CARM1: variants seen among roughly 807,000 people sequenced by gnomAD.
The protein encoded by CARM1 is coactivator associated arginine methyltransferase 1.
CARM1 carries 14 observed loss-of-function variants against 72.7 expected under a neutral mutation model. That is an observed-to-expected ratio of 0.19 (90% CI 0.13 to 0.30). CARM1 has a LOEUF of 0.30. Ranked by LOEUF, CARM1 falls within the 10% of genes least tolerant of loss-of-function variation. The pLI is 1.00. For missense variants in CARM1, 432 were observed against 833.7 expected, an observed-to-expected ratio of 0.52 and a Z score of 5.93; for synonymous variants, 333 against 345.5, an observed-to-expected ratio of 0.96 and a Z score of 0.40.
intron 4 of CARM1, among the ~76,000 whole-genome samples, chr19:10,910,612 C>G (rs1272172607): frequency 1.3e-5 from 2 of 149,728 alleles, no homozygotes; most frequent in Non-Finnish European, 3.0e-5. Flanking sequence ...TGTTACCAGG[C>G]TGGAGTGCAG....
Position 10,916,777 on chromosome 19 carries a change from G to C in CARM1, c.1020G>C (p.Val340=). Residue 340 remains valine, a splice_region_variant and synonymous_variant, in exon 8 of 16, where the codon GTG becomes GTC. Transcript: ENST00000327064. This position sits in a 1 kb window ranked among gnomAD's most constrained non-coding sequence, Gnocchi z 4.4. ...AVDEYFRQPV[V]DTFDIRILMA... is the part of the protein sequence containing the mutation. Reference sequence around the variant, plus strand: ...ATGAGTATTTCCGGCAGCCTGTGGTGGTGAGTAGGGCCTCCAGGGTACTGC... The same window carrying C: ...ATGAGTATTTCCGGCAGCCTGTGGTCGTGAGTAGGGCCTCCAGGGTACTGC... 1 of 1,547,486 alleles carries C rather than the reference G, an allele frequency of 6.5e-7. No homozygotes were observed.
intron 1 of CARM1, among the ~76,000 whole-genome samples, chr19:10,885,944 G>A (rs1216375008): frequency 2.1e-5 from 3 of 144,216 alleles, no homozygotes; most frequent in Non-Finnish European, 4.5e-5. Flanking sequence ...TGTGAACACA[G>A]CTCATTGCAA....
chr19:10,915,314 G>A lies in CARM1; in HGVS notation c.848-1093G>A, dbSNP rs1388419089. ...AGCCCCAGCAGAGAGGGCCCCTCCC[G>A]ATGGGACATGAAGCCAGATGGCAGT... On this transcript the variant is annotated intron_variant, in intron 6 of 15. Transcript: ENST00000327064. This position sits in a 1 kb window ranked among gnomAD's most constrained non-coding sequence, Gnocchi z 4.6. Among the ~76,000 whole-genome samples the A allele has an allele frequency of 1.3e-5, 2 of 152,266 alleles. No individual in the cohort carries two copies. Among genetic ancestry groups the A allele is most frequent in the African/African-American group, 4.8e-5 (2 of 41,560 alleles).
In CARM1 at chr19:10,886,088, C is replaced by T. The variant is rs1269718710; in HGVS notation, c.220+14166C>T. Among the ~76,000 whole-genome samples the T allele has an allele frequency of 3.4e-5, 5 of 145,642 alleles. No individual in the cohort carries two copies. In the Admixed American group the frequency reaches 3.5e-4, roughly 10 times the overall value. ...TTTTTTTTTTTGAAATGGAGTTTCA[C>T]TCTTGTTGCCCAGGCTGGAGTGCGA... On this transcript the variant is annotated intron_variant, in intron 1 of 15. Coordinates refer to ENST00000327064, the MANE Select transcript of CARM1 (RefSeq NM_199141.2).
chr19:10,885,567 T>C (rs1038708042), intron 1 of CARM1, among the ~76,000 whole-genome samples: 4 of 152,178 alleles, frequency 2.6e-5, no homozygotes, highest in Admixed American at 1.3e-4. Context: ...GATGCTCTTG[T>C]TAACCATCCC....
chr19:10,881,472 A>G (rs1023113021), intron 1 of CARM1, among the ~76,000 whole-genome samples: 2 of 152,220 alleles, frequency 1.3e-5, no homozygotes, highest in African/African-American at 4.8e-5. Flanking sequence ...CTCCAGGGAC[A>G]GGCGAGAAGC....
At chr19:10,897,773 A>C (rs1286922384) in intron 1 of CARM1, among the ~76,000 whole-genome samples, 1 of 152,056 alleles carries the variant, frequency 6.6e-6, no homozygotes, top group Non-Finnish European at 1.5e-5. Flanking sequence ...GAATCACCTG[A>C]GATCAGGAGT....
At position 10,871,937 on chromosome 19, in the gene CARM1, C is replaced by T; in HGVS notation, c.220+15C>T. ...CCTCTACAGCCGTGAGTACGGGGCC[C>T]CGGGGCAGGCGCAGGGCCGGGGCTG... is the stretch of plus-strand genomic sequence containing the variant. On this transcript the variant is annotated intron_variant, in intron 1 of 15. Transcript: ENST00000327064. The surrounding 1 kb of genome is among the most constrained non-coding windows in gnomAD (Gnocchi z 5.6). The T allele has an allele frequency of 1.7e-6, 2 of 1,182,604 alleles. No homozygotes were observed. Among genetic ancestry groups the T allele is most frequent in the South Asian group, 8.0e-5 (2 of 25,050 alleles). The allele number at this position is 1,182,604 out of a possible 1,614,324, so 73.3% of individuals were successfully genotyped here.
At position 10,916,224 on chromosome 19, in the gene CARM1, C is replaced by T. The variant is rs552948844; in HGVS notation, c.848-183C>T. ...CGTGAGCTGGTGCAGGTCAGGTACC[C>T]GTGGTGGTGATGAAACACTGATCAG... On this transcript the variant is annotated intron_variant, in intron 6 of 15. Transcript: ENST00000327064. The surrounding 1 kb of genome is among the most constrained non-coding windows in gnomAD (Gnocchi z 4.4). 6.6e-5 allele frequency among the ~76,000 whole-genome samples: 10 copies of T among 152,310 alleles called. No individual in the cohort carries two copies. The highest frequency in any genetic ancestry group is 1.2e-4 in the Non-Finnish European group (8 of 68,020).
intron 1 of CARM1, among the ~76,000 whole-genome samples, chr19:10,900,279 T>C (rs1488262789): frequency 6.6e-6 from 1 of 152,150 alleles, no homozygotes; most frequent in Non-Finnish European, 1.5e-5. Flanking sequence ...AATTAGCCCT[T>C]TTACAATGTT....
In CARM1 at chr19:10,871,894, G is replaced by C; in HGVS notation, c.192G>C (p.Pro64=). 8.1e-7 allele frequency: 1 copy of C among 1,234,034 alleles called. No homozygotes were observed. The highest frequency in any genetic ancestry group is 1.0e-6 in the Non-Finnish European group (1 of 985,116). 76.4% of individuals were successfully genotyped at this position (1,234,034 alleles called of 1,614,324 possible). ...TGCGCCTCGAGGTGCGCGCCGGCCC[G>C]GACTCGGCGGGCATCGCCCTCTACA... ...QALRLEVRAG[P]DSAGIALYSH... Residue 64 remains proline, a synonymous_variant, in exon 1 of 16, where the codon CCG becomes CCC. Coordinates refer to ENST00000327064, the MANE Select transcript of CARM1 (RefSeq NM_199141.2). The surrounding 1 kb of genome is among the most constrained non-coding windows in gnomAD (Gnocchi z 5.6).
At position 10,896,197 on chromosome 19, in the gene CARM1, T is replaced by A. The variant is rs2074022923; in HGVS notation, c.221-8754T>A. ...TGCTCAGTGAGACCCTTGAGAGACGTCTCCCCGTTCTTCCAAGACCCTCCT... is the reference window on the plus strand; with the variant it reads ...TGCTCAGTGAGACCCTTGAGAGACGACTCCCCGTTCTTCCAAGACCCTCCT... On this transcript the variant is annotated intron_variant, in intron 1 of 15. Coordinates refer to ENST00000327064, the MANE Select transcript of CARM1 (RefSeq NM_199141.2). This position sits in a 1 kb window ranked among gnomAD's most constrained non-coding sequence, Gnocchi z 5.2. Among the ~76,000 whole-genome samples the A allele has an allele frequency of 6.6e-6, 1 of 151,688 alleles. No individual in the cohort carries two copies. The highest frequency in any genetic ancestry group is 2.1e-4 in the South Asian group (1 of 4,788).
rs374384654 is a variant in CARM1, at chr19:10,905,049, G to A, written c.319G>A (p.Val107Ile). The A allele has an allele frequency of 2.9e-5, 46 of 1,613,976 alleles. No individual in the cohort carries two copies. Among genetic ancestry groups the A allele is most frequent in the Admixed American group, 8.3e-5 (5 of 59,996 alleles). ...SFIITLGCNS[V>I]LIQFATPNDF... ...CATCATCACCCTGGGCTGCAACAGCGTCCTCATCCAGTTCGCCACACCCAA... is the reference window on the plus strand; with the variant it reads ...CATCATCACCCTGGGCTGCAACAGCATCCTCATCCAGTTCGCCACACCCAA... The change falls in exon 2 of 16, where the codon GTC becomes ATC. Residue 107 changes from valine (V) to isoleucine (I), a missense_variant. Val to Ile is a conservative substitution (Grantham distance 29). Transcript: ENST00000327064.
intron 4 of CARM1, among the ~76,000 whole-genome samples, chr19:10,911,286 C>T (rs1339971751): frequency 6.6e-6 from 1 of 152,138 alleles, no homozygotes; most frequent in East Asian, 1.9e-4. Context: ...CCTCATCCAG[C>T]GCCTGGGTCA....
At chr19:10,908,255 G>C in intron 3 of CARM1, 110 bp downstream of exon 3, 1 of 711,888 alleles carries the variant, frequency 1.4e-6, no homozygotes, top group Non-Finnish European at 2.5e-6. Context: ...TCCCGTCCTG[G>C]CTCTGTCCCT....
Position 10,871,881 on chromosome 19 carries a change from T to C in CARM1, c.179T>C (p.Val60Ala). 1.6e-6 allele frequency: 2 copies of C among 1,254,352 alleles called. No individual in the cohort carries two copies. Among genetic ancestry groups the C allele is most frequent in the Non-Finnish European group, 2.0e-6 (2 of 995,186 alleles). The allele number at this position is 1,254,352 out of a possible 1,614,324, so 77.7% of individuals were successfully genotyped here. The change falls in exon 1 of 16, where the codon GTG (valine) becomes GCG (alanine). Residue 60 changes from valine to alanine, a missense_variant. By Grantham distance (64) the Val-to-Ala change is moderately conservative. Around this residue, in one of 3 missense-constraint regions of CARM1, gnomAD observed 138 missense variants for 192.3 expected, o/e 0.72. Transcript: ENST00000327064. The surrounding 1 kb of genome is among the most constrained non-coding windows in gnomAD (Gnocchi z 5.6). ...HAEQQALRLE[V>A]RAGPDSAGIA... ...GAGCAGCAGGCGCTGCGCCTCGAGG[T>C]GCGCGCCGGCCCGGACTCGGCGGGC...
chr19:10,917,718 CTTTTTT>C (rs1164032277), intron 8 of CARM1, among the ~76,000 whole-genome samples: 2 of 129,824 alleles, frequency 1.5e-5, no homozygotes, highest in Non-Finnish European at 3.3e-5. Context: ...TTTTCTTTTT[CTTTTTT>C]TTTTTTTTTT....
chr19:10,878,703 G>A (rs1950720936), intron 1 of CARM1, among the ~76,000 whole-genome samples: 4 of 152,012 alleles, frequency 2.6e-5, no homozygotes, highest in South Asian at 2.1e-4. Context: ...AATTAAACAC[G>A]ATGGCATTTT....
chr19:10,910,759 T>A (rs922536676), intron 4 of CARM1, among the ~76,000 whole-genome samples: 1 of 151,674 alleles, frequency 6.6e-6, no homozygotes, highest in Non-Finnish European at 1.5e-5. Flanking sequence ...AGAGACAGGG[T>A]TTCACCATGT....
Sources: allele counts gnomAD v4.1 joint callset (sites outside exome capture counted in the v4.1 genomes callset), GRCh38; gene constraint gnomAD v4.1.1; regional missense constraint gnomAD v4.1.1; non-coding constraint Gnocchi (gnomAD v3.1); transcripts MANE v1.5; gene names NCBI Gene and HGNC (gene_info 2026-07-23, HGNC 2026-07-21).